Variants in PACS2 observed in about 807,000 individuals in gnomAD.
PACS2 encodes PACS1-like protein.
A neutral mutation model predicts 113.0 loss-of-function variants in PACS2; 36 were observed. The ratio of observed to expected loss-of-function variants is 0.32; its 90% confidence interval spans 0.24 to 0.42. The LOEUF (loss-of-function observed/expected upper bound fraction) is 0.42. Among genes scored for constraint, PACS2 ranks in the 10% least tolerant of loss-of-function variants. The pLI, the probability that PACS2 is intolerant of heterozygous loss-of-function variation, is 1.00. For synonymous variants in PACS2, 589 were observed against 536.1 expected, an observed-to-expected ratio of 1.10 and a Z score of -1.36; for missense variants, 1,015 against 1,239.5, an observed-to-expected ratio of 0.82 and a Z score of 2.72.
chr14:105,362,070 C>T (rs954047393), intron 4 of PACS2, among the ~76,000 whole-genome samples: 13 of 150,988 alleles, frequency 8.6e-5, no homozygotes, highest in Middle Eastern at 7.0e-3. Flanking sequence ...TTGTAGTGAG[C>T]GAGATCGCAC....
At chr14:105,304,983 T>C (rs1431251567) in intron 1 of PACS2, among the ~76,000 whole-genome samples, 3 of 152,150 alleles carry the variant, frequency 2.0e-5, no homozygotes, top group Admixed American at 6.5e-5. Context: ...AATCATATCA[T>C]GTGTGTTCCC....
chr14:105,341,722 A>T (rs184160233), intron 1 of PACS2, among the ~76,000 whole-genome samples: 4 of 152,318 alleles, frequency 2.6e-5, no homozygotes, highest in Middle Eastern at 3.4e-3. Flanking sequence ...TTTATGTTTT[A>T]GAGACAGAGT....
intron 4 of PACS2, among the ~76,000 whole-genome samples, chr14:105,362,892 CATGGGCTGCCTG>C (rs1254965444): frequency 2.4e-4 from 36 of 152,292 alleles, no homozygotes; most frequent in East Asian, 1.9e-3. Context: ...CTCCTTGATG[CATGGGCTGCCTG>C]ATGGATGTCG....
intron 1 of PACS2, among the ~76,000 whole-genome samples, chr14:105,341,130 G>C (rs1431649710): frequency 1.3e-5 from 2 of 152,254 alleles, no homozygotes; most frequent in Non-Finnish European, 2.9e-5. Context: ...CTGTGGTCAG[G>C]CCCCTTTATT....
At chr14:105,353,483 A>G (rs137864600) in intron 3 of PACS2, among the ~76,000 whole-genome samples, 1 of 151,616 alleles carries the variant, frequency 6.6e-6, no homozygotes, top group Non-Finnish European at 1.5e-5. Context: ...TTGTCTCATC[A>G]TTGCCATCAG....
At chr14:105,390,038 G>GCACACC in intron 20 of PACS2, 35 bp downstream of exon 20, 1 of 1,587,858 alleles carries the variant, frequency 6.3e-7, no homozygotes, top group Non-Finnish European at 8.6e-7. Context: ...ATGGGAAACC[G>GCACACC]CACACCTGCC....
chr14:105,330,971 T>C lies in PACS2; in HGVS notation c.119+15934T>C, dbSNP rs1251823493. Among the ~76,000 whole-genome samples, 2 of 152,026 alleles carry C rather than the reference T, an allele frequency of 1.3e-5. No homozygotes were observed. The highest frequency in any genetic ancestry group is 2.9e-5 in the Non-Finnish European group (2 of 67,968). On this transcript the variant is annotated intron_variant, in intron 1 of 24. Transcript: ENST00000447393. This position sits in a 1 kb window ranked among gnomAD's most constrained non-coding sequence, Gnocchi z 6.9. The stretch of plus-strand genomic sequence containing the variant: ...GATGCTGGGGTTGGCATTTTTTTTT[T>C]TTTTGAGACAGAGTCATCCTGTTGC...
At chr14:105,304,929 T>C (rs12100909) in intron 1 of PACS2, among the ~76,000 whole-genome samples, 17,621 of 152,202 alleles carry the variant, frequency 0.12, 3,257 homozygotes, top group African/African-American at 0.39. Context: ...CCCTCCACAA[T>C]ATGTGGGAAT....
intron 15 of PACS2, chr14:105,383,118 A>T (rs1399000193): frequency 1.6e-6 from 1 of 625,170 alleles, no homozygotes; most frequent in Non-Finnish European, 2.9e-6. Flanking sequence ...GTCCTGCCAC[A>T]CTGGAGTGGT....
At chr14:105,305,072 G>A (rs1233926436) in intron 1 of PACS2, among the ~76,000 whole-genome samples, 1 of 152,212 alleles carries the variant, frequency 6.6e-6, no homozygotes, top group Admixed American at 6.5e-5. Flanking sequence ...GAGGTCATGA[G>A]GGCTGCTTCC....
intron 18 of PACS2, 29 bp downstream of exon 18, chr14:105,385,016 A>C: frequency 1.5e-6 from 2 of 1,366,708 alleles, no homozygotes; most frequent in Non-Finnish European, 2.0e-6. Flanking sequence ...GCACCATACC[A>C]CAGGCTGCCG....
At chr14:105,363,570 G>A (rs980885267) in intron 4 of PACS2, among the ~76,000 whole-genome samples, 2 of 152,122 alleles carry the variant, frequency 1.3e-5, no homozygotes, top group Non-Finnish European at 2.9e-5. Flanking sequence ...GCCTTGCTCC[G>A]GATGAGGCTT....
chr14:105,342,232 G>C (rs782683158), intron 1 of PACS2, among the ~76,000 whole-genome samples: 11 of 119,758 alleles, frequency 9.2e-5, no homozygotes, highest in South Asian at 2.8e-4. Context: ...GCTGCTGCCT[G>C]TGTGTGTGTG....
intron 8 of PACS2, among the ~76,000 whole-genome samples, chr14:105,373,691 G>A (rs1171970930): frequency 6.6e-6 from 1 of 152,134 alleles, no homozygotes; most frequent in Non-Finnish European, 1.5e-5. Flanking sequence ...GGAAGGCTGA[G>A]GTGGGAGAAT....
At chr14:105,336,395 C>T in intron 1 of PACS2, 1 of 152,496 alleles carries the variant, frequency 6.6e-6, no homozygotes, top group Non-Finnish European at 1.5e-5. Flanking sequence ...GCAGAGTTGG[C>T]CACGCAGCCT....
intron 1 of PACS2, among the ~76,000 whole-genome samples, chr14:105,346,469 C>CT (rs2059921980): frequency 6.8e-6 from 1 of 146,454 alleles, no homozygotes; most frequent in Non-Finnish European, 1.5e-5. Flanking sequence ...GGCTCCCCCA[C>CT]CCCCGCCCAC....
chr14:105,391,533 G>C, intron 21 of PACS2, 98 bp from the exon 22 acceptor site: 2 of 483,740 alleles, frequency 4.1e-6, no homozygotes, highest in Non-Finnish European at 7.1e-6. Context: ...CCACCCCCAG[G>C]AGCTGCCTGG....
intron 11 of PACS2, 125 bp downstream of exon 11, chr14:105,380,279 G>A (rs2080936183): frequency 1.3e-6 from 1 of 795,080 alleles, no homozygotes; most frequent in South Asian, 1.7e-5. Flanking sequence ...GTGTGCAGAG[G>A]TGGGGTCAGC....
upstream of PACS2, among the ~76,000 whole-genome samples, chr14:105,312,425 A>C (rs1475313198): frequency 6.6e-6 from 1 of 152,238 alleles, no homozygotes; most frequent in African/African-American, 2.4e-5. Flanking sequence ...CAGGGCTCTG[A>C]AGGATCCTCT....
Sources: allele counts gnomAD v4.1 joint callset (sites outside exome capture counted in the v4.1 genomes callset), GRCh38; gene constraint gnomAD v4.1.1; non-coding constraint Gnocchi (gnomAD v3.1); transcripts MANE v1.5; gene names NCBI Gene and HGNC (gene_info 2026-07-23, HGNC 2026-07-21).